The following LUC7L variants were observed in gnomAD, a reference collection of about 807,000 sequenced individuals.
LUC7L encodes the protein putative RNA-binding protein Luc7-like 1.
LUC7L carries 29 observed loss-of-function variants against 51.1 expected under a neutral mutation model. That is an observed-to-expected ratio of 0.57 (90% CI 0.42 to 0.77). The LOEUF (loss-of-function observed/expected upper bound fraction) is 0.77, where lower values mean the gene tolerates loss of function less well. Ranked by LOEUF, LUC7L falls within the 30% of genes least tolerant of loss-of-function variation. The pLI, the probability that LUC7L is intolerant of heterozygous loss-of-function variation, is 0.00. For missense variants in LUC7L, 403 were observed against 511.9 expected (o/e 0.79, Z 2.05); for synonymous variants, 181 against 180.7 (o/e 1.00, Z -0.01).
chr16:218,999 C>T (rs917423033), intron 3 of LUC7L, among the ~76,000 whole-genome samples: 6 of 150,396 alleles, frequency 4.0e-5, no homozygotes, highest in African/African-American at 1.2e-4. Context: ...CTCAGGAATC[C>T]GAGGCAGGGC....
At chr16:201,675 G>C (rs959106909) in intron 5 of LUC7L, among the ~76,000 whole-genome samples, 1 of 148,920 alleles carries the variant, frequency 6.7e-6, no homozygotes, top group Admixed American at 6.7e-5. Context: ...TCCTGACCTC[G>C]TGATCCACCC....
At chr16:223,694 G>T (rs2050040915) in intron 2 of LUC7L, among the ~76,000 whole-genome samples, 1 of 151,274 alleles carries the variant, frequency 6.6e-6, no homozygotes, top group Non-Finnish European at 1.5e-5. Flanking sequence ...TTTTGAGGCG[G>T]AGTCTCACTC....
In LUC7L at chr16:190,015, G is replaced by A. The variant is rs1222596433; in HGVS notation, c.927C>T (p.His309=). ...GGGAAGCCCGACGATGTCCCCGGCT[G>A]TGGCTCCGGGAACGGCTGCGGTGGC... ...HRRHRSRSRS[H]SRGHRRASRD... Residue 309 remains histidine, a synonymous_variant, in exon 9 of 10, where the codon CAC becomes CAT. Transcript: ENST00000293872. The A allele has an allele frequency of 1.1e-5, 18 of 1,613,946 alleles. No homozygotes were observed. The highest frequency in any genetic ancestry group is 6.7e-5 in the Admixed American group (4 of 59,982).
Position 199,191 on chromosome 16 carries a change from CTTTTG to C in LUC7L, c.553_557del (p.Gln185AlafsTer15). 1 of 1,608,406 alleles carries C rather than the reference CTTTTG, an allele frequency of 6.2e-7. No individual in the cohort carries two copies. The highest frequency in any genetic ancestry group is 8.5e-7 in the Non-Finnish European group (1 of 1,175,316). On this transcript the variant is annotated frameshift_variant, in exon 6 of 10. Transcript: ENST00000293872. LOFTEE classifies it high-confidence loss of function. Reference sequence around the variant, plus strand: ...CTGAACAGACCTCGCAGACACGCAGCTTTTGCTGCTGAAAACTGGATGCAGGCATG... The same window carrying C: ...CTGAACAGACCTCGCAGACACGCAGCCTGCTGAAAACTGGATGCAGGCATG...
At chr16:206,226 C>T in intron 4 of LUC7L, 79 bp from the exon 5 acceptor site, 1 of 1,371,270 alleles carries the variant, frequency 7.3e-7, no homozygotes. Context: ...TCTCCTGCTC[C>T]ATTTCCAGTC....
In LUC7L at chr16:229,260, G is replaced by A; in HGVS notation, c.61+19C>T. The A allele has an allele frequency of 1.3e-6, 2 of 1,532,400 alleles. No homozygotes were observed. The highest frequency in any genetic ancestry group is 2.5e-5 in the East Asian group (1 of 40,062). 94.9% of individuals were successfully genotyped at this position (1,532,400 alleles called of 1,614,324 possible). A position where few individuals can be genotyped will look rare whatever the true frequency, so the allele number is the denominator to read the frequency against. ...CACTCCCACCCCAGACCCTCGCCTG[G>A]TTGGCCGCTCTGACTCACCGTCCCG... On this transcript the variant is annotated intron_variant, in intron 1 of 9. Transcript: ENST00000293872.
chr16:225,359 G>A (rs1156875333), intron 2 of LUC7L, among the ~76,000 whole-genome samples: 1 of 151,786 alleles, frequency 6.6e-6, no homozygotes, highest in African/African-American at 2.4e-5. Flanking sequence ...GGTGGTGCAT[G>A]CCTGTAATCC....
chr16:208,402 C>A, intron 3 of LUC7L: 1 of 459,618 alleles, frequency 2.2e-6, no homozygotes, highest in Non-Finnish European at 3.7e-6. Flanking sequence ...GAAGCATGGT[C>A]TTCTCATTTG....
chr16:227,626 CCA>C (rs1272057005), intron 1 of LUC7L: 1 of 1,213,054 alleles, frequency 8.2e-7, no homozygotes, highest in Non-Finnish European at 1.0e-6. Context: ...GCCATTGGCT[CCA>C]CATATACATG....
At chr16:189,666 G>C (rs906856207) in intron 9 of LUC7L, 1 of 1,328,630 alleles carries the variant, frequency 7.5e-7, no homozygotes. Context: ...AACCAAAACA[G>C]AGGTAAGCAG....
At chr16:213,866 C>A (rs964529253) in intron 3 of LUC7L, among the ~76,000 whole-genome samples, 4 of 152,024 alleles carry the variant, frequency 2.6e-5, no homozygotes, top group Admixed American at 2.6e-4. Flanking sequence ...AGGTGCCCAC[C>A]ATCACACCTG....
rs1445802436 is a variant in LUC7L, at chr16:220,639, T to G, written c.255+10A>C. ...GCAGTAGGAATAAATCAACATTAAA[T>G]AAAACTTACATCTAATTCAAAAAAC... On this transcript the variant is annotated intron_variant, in intron 3 of 9. Transcript: ENST00000293872. The G allele has an allele frequency of 1.4e-5, 22 of 1,589,376 alleles. No individual in the cohort carries two copies. Among genetic ancestry groups the G allele is most frequent in the Non-Finnish European group, 1.9e-5 (22 of 1,158,722 alleles).
intron 6 of LUC7L, among the ~76,000 whole-genome samples, chr16:195,798 A>C (rs534266278): frequency 8.5e-5 from 13 of 152,292 alleles, no homozygotes; most frequent in African/African-American, 2.9e-4. Flanking sequence ...GCACTCTGGG[A>C]GGCCTAGGAA....
At chr16:211,672 T>C (rs752869367) in intron 3 of LUC7L, among the ~76,000 whole-genome samples, 2 of 151,984 alleles carry the variant, frequency 1.3e-5, no homozygotes, top group African/African-American at 4.8e-5. Flanking sequence ...TACCACTTAC[T>C]AGAAAGTCAC....
chr16:191,733 T>C (rs1239487698), intron 7 of LUC7L, among the ~76,000 whole-genome samples: 1 of 152,100 alleles, frequency 6.6e-6, no homozygotes. Context: ...TAGTCCCAGC[T>C]ACTTGGGAGG....
intron 1 of LUC7L, chr16:228,338 G>A: frequency 7.7e-7 from 1 of 1,304,072 alleles, no homozygotes; most frequent in Non-Finnish European, 1.0e-6. Context: ...CTCACGGCTC[G>A]ATGAACATGA....
intron 6 of LUC7L, among the ~76,000 whole-genome samples, chr16:195,711 C>G (rs779800924): frequency 6.6e-6 from 1 of 152,142 alleles, no homozygotes; most frequent in Non-Finnish European, 1.5e-5. Context: ...GCGTGAGCCA[C>G]CACACCCAGC....
In LUC7L at chr16:229,009, G is replaced by A. The variant is rs1162029009; in HGVS notation, c.61+270C>T. The A allele has an allele frequency of 2.8e-6, 4 of 1,450,606 alleles. No individual in the cohort carries two copies. In the African/African-American group the frequency reaches 4.3e-5, roughly 16 times the overall value. 89.9% of individuals were successfully genotyped at this position (1,450,606 alleles called of 1,614,324 possible). A position where few individuals can be genotyped will look rare whatever the true frequency, so the allele number is the denominator to read the frequency against. On this transcript the variant is annotated intron_variant, in intron 1 of 9. Transcript: ENST00000293872. ...GCACGGAGCCGCGGCGCCCGCCGGG[G>A]AGGAAGTAGCAGGACGGTACATAGG... is the stretch of plus-strand genomic sequence containing the variant.
chr16:197,850 AAT>A (rs1250228173), intron 6 of LUC7L, among the ~76,000 whole-genome samples: 1 of 152,184 alleles, frequency 6.6e-6, no homozygotes, highest in Non-Finnish European at 1.5e-5. Context: ...GAGGCTGGCT[AAT>A]TTCCCACCAT....
Sources: gnomAD v4.1 joint callset for allele counts (sites outside exome capture counted in the v4.1 genomes callset) on GRCh38, gnomAD v4.1.1 for gene constraint, MANE v1.5 for transcripts, NCBI Gene and HGNC (gene_info 2026-07-23, HGNC 2026-07-21) for gene names.